Variants in MFSD11 observed in about 807,000 individuals in gnomAD.
MFSD11 encodes UNC93-like protein MFSD11.
In MFSD11, 36 loss-of-function variants were observed where a neutral mutation model predicts 53.5. That is an observed-to-expected ratio of 0.67 (90% CI 0.52 to 0.89). The LOEUF (loss-of-function observed/expected upper bound fraction) is 0.89, where lower values mean the gene tolerates loss of function less well. Ranked by LOEUF, MFSD11 falls within the 40% of genes least tolerant of loss-of-function variation. The pLI is 0.00. For missense variants in MFSD11, 530 were observed against 543.9 expected, an observed-to-expected ratio of 0.97 and a Z score of 0.25; for synonymous variants, 186 against 184.9, an observed-to-expected ratio of 1.01 and a Z score of -0.05.
At chr17:76,778,057 G>A (rs1220476609) in intron 12 of MFSD11, 131 bp from the exon 13 acceptor site, 3 of 787,056 alleles carry the variant, frequency 3.8e-6, no homozygotes, top group Non-Finnish European at 6.2e-6. Context: ...GTCATACCTT[G>A]ATGCAGAAAG....
At chr17:76,774,697 T>G (rs1261700244) in intron 10 of MFSD11, among the ~76,000 whole-genome samples, 1 of 152,242 alleles carries the variant, frequency 6.6e-6, no homozygotes, top group Non-Finnish European at 1.5e-5. Context: ...GTGTCCTTAT[T>G]TTATTTCTGT....
At chr17:76,786,075 A>AG (rs1491381890), downstream of MFSD11, among the ~76,000 whole-genome samples, 1 of 58,664 alleles carries the variant, frequency 1.7e-5, no homozygotes, top group African/African-American at 1.4e-4. Context: ...ACTCCATCTC[A>AG]AAAAAAAAAA....
At chr17:76,785,052 T>G (rs2082256571), downstream of MFSD11, among the ~76,000 whole-genome samples, 1 of 152,226 alleles carries the variant, frequency 6.6e-6, no homozygotes, top group South Asian at 2.1e-4. Flanking sequence ...TATTCACAAT[T>G]ACCTAACAGT....
downstream of MFSD11, among the ~76,000 whole-genome samples, chr17:76,783,240 C>T (rs1469397001): frequency 6.6e-6 from 1 of 151,920 alleles, no homozygotes; most frequent in Non-Finnish European, 1.5e-5. Context: ...CTTTTGTCTT[C>T]ATACTTGTAG....
rs1342229054 is a variant in MFSD11, at chr17:76,740,320, C to T, written c.153-637C>T. On this transcript the variant is annotated intron_variant, in intron 2 of 12. Coordinates refer to ENST00000685175, the MANE Select transcript of MFSD11 (RefSeq NM_001242532.5). ...CTTTGAAATGGTTTTAACCACACTT[C>T]GTACAAGACATATGTACTAGGGCTG... Among the ~76,000 whole-genome samples the T allele has an allele frequency of 2.0e-5, 3 of 151,986 alleles. No homozygotes were observed. The East Asian group carries it at 5.8e-4, about 29-fold the overall frequency.
At chr17:76,737,334 G>C (rs898883904), upstream of MFSD11, 5 of 844,186 alleles carry the variant, frequency 5.9e-6, no homozygotes, top group East Asian at 5.6e-5. Context: ...TAACAACTGG[G>C]CGGGCAGCCG....
intron 8 of MFSD11, among the ~76,000 whole-genome samples, chr17:76,761,201 A>T (rs1393877353): frequency 6.6e-6 from 1 of 152,122 alleles, no homozygotes; most frequent in Non-Finnish European, 1.5e-5. Flanking sequence ...GCAAGACTCC[A>T]TCTTGGGGAA....
chr17:76,756,190 T>A (rs1190533465), intron 8 of MFSD11, among the ~76,000 whole-genome samples: 1 of 150,032 alleles, frequency 6.7e-6, no homozygotes, highest in Non-Finnish European at 1.5e-5. Context: ...TGGCACCATC[T>A]TGGCTCACTG....
At chr17:76,802,481 C>G in the MFSD11 span, among the ~76,000 whole-genome samples, 2 of 152,168 alleles carry the variant, frequency 1.3e-5, no homozygotes, top group Non-Finnish European at 2.9e-5. Context: ...TTTACTTTCA[C>G]AAAGTCATGC....
chr17:76,775,506 G>C (rs76159179), intron 11 of MFSD11, among the ~76,000 whole-genome samples: 1 of 152,292 alleles, frequency 6.6e-6, no homozygotes, highest in East Asian at 1.9e-4. Context: ...AAAGAGGAGC[G>C]AGGGAGAACC....
At chr17:76,751,724 A>G (rs1411239695) in intron 7 of MFSD11, among the ~76,000 whole-genome samples, 1 of 151,986 alleles carries the variant, frequency 6.6e-6, no homozygotes, top group East Asian at 1.9e-4. Context: ...GAAAAAGAAA[A>G]ATCTTTAAAA....
chr17:76,782,270 G>A (rs922941957), downstream of MFSD11, among the ~76,000 whole-genome samples: 8 of 151,994 alleles, frequency 5.3e-5, no homozygotes, highest in Non-Finnish European at 1.5e-5. Flanking sequence ...CTGCCTCCTG[G>A]GTTCAAGCGA....
chr17:76,756,629 G>C (rs2079659383), intron 8 of MFSD11, among the ~76,000 whole-genome samples: 1 of 152,076 alleles, frequency 6.6e-6, no homozygotes, highest in Non-Finnish European at 1.5e-5. Flanking sequence ...GGGAGGCTGA[G>C]GTGGGAGGAT....
intron 8 of MFSD11, among the ~76,000 whole-genome samples, chr17:76,758,548 A>G (rs1024531758): frequency 2.1e-5 from 3 of 143,562 alleles, no homozygotes; most frequent in African/African-American, 8.2e-5. Flanking sequence ...GCGCCACTGC[A>G]CTCCAGCATG....
intron 8 of MFSD11, among the ~76,000 whole-genome samples, chr17:76,759,675 T>C (rs972108627): frequency 2.7e-5 from 4 of 150,938 alleles, no homozygotes; most frequent in African/African-American, 9.7e-5. Flanking sequence ...ACCAGGATGG[T>C]CTCGATCTCC....
chr17:76,772,075 C>T (rs1485777877), intron 10 of MFSD11, among the ~76,000 whole-genome samples: 2 of 152,102 alleles, frequency 1.3e-5, no homozygotes, highest in East Asian at 1.9e-4. Flanking sequence ...AAGAAACTCA[C>T]TTTCTGTAGG....
the MFSD11 span, among the ~76,000 whole-genome samples, chr17:76,792,431 T>C: frequency 6.7e-6 from 1 of 149,198 alleles, no homozygotes; most frequent in South Asian, 2.1e-4. Context: ...GGCGTTCTTT[T>C]ATTTTTCTTT....
At chr17:76,781,083 G>A (rs1598813827), downstream of MFSD11, 1 of 152,174 alleles carries the variant, frequency 6.6e-6, no homozygotes, top group Non-Finnish European at 1.5e-5. Flanking sequence ...GCTGAGTCCT[G>A]AGCGTCTCTC....
At position 76,738,943 on chromosome 17, in the gene MFSD11, T is replaced by C; in HGVS notation, c.102T>C (p.Thr34=). 1 of 1,613,912 alleles carries C rather than the reference T, an allele frequency of 6.2e-7. No homozygotes were observed. The highest frequency in any genetic ancestry group is 2.2e-5 in the East Asian group (1 of 44,878). ...AFQTCGNVAQ[T]VIRSLNRTDF... ...TAGTTTTATCTTCCACACAGCAAAC[T>C]GTCATCAGGAGCTTAAATAGGACAG... Residue 34 remains threonine, a synonymous_variant, in exon 2 of 13, where the codon ACT becomes ACC. Transcript: ENST00000685175.
Sources: gnomAD v4.1 joint callset for allele counts (sites outside exome capture counted in the v4.1 genomes callset) on GRCh38, gnomAD v4.1.1 for gene constraint, MANE v1.5 for transcripts, NCBI Gene and HGNC (gene_info 2026-07-23, HGNC 2026-07-21) for gene names.